The following CSMD1 variants were observed in gnomAD, a reference collection of about 807,000 sequenced individuals.
CSMD1 encodes the protein CUB and sushi domain-containing protein 1.
In CSMD1, 213 loss-of-function variants were observed where a neutral mutation model predicts 417.5. The ratio of observed to expected loss-of-function variants is 0.51; its 90% CI spans 0.46 to 0.57. CSMD1 has a LOEUF of 0.57. Ranked by LOEUF, CSMD1 falls within the 20% of genes least tolerant of loss-of-function variation. CSMD1 has a pLI of 0.00. For synonymous variants in CSMD1, 2,862 were observed against 1,736.8 expected, an observed-to-expected ratio of 1.65 and a Z score of -16.11; for missense variants, 6,923 against 4,529.7, an observed-to-expected ratio of 1.53 and a Z score of -15.17.
At chr8:4,289,410 G>GGCGCGAAAAT (rs56032643) in intron 3 of CSMD1, among the ~76,000 whole-genome samples, 2 of 151,972 alleles carry the variant, frequency 1.3e-5, no homozygotes, top group Non-Finnish European at 2.9e-5. Context: ...AGGGAGCCAG[G>GGCGCGAAAAT]GCCTGTGTTT....
At chr8:4,313,656 T>C (rs1798755488) in intron 3 of CSMD1, among the ~76,000 whole-genome samples, 1 of 152,074 alleles carries the variant, frequency 6.6e-6, no homozygotes, top group African/African-American at 2.4e-5. Flanking sequence ...GTAAATTCAC[T>C]TTAGAGAGGG....
intron 23 of CSMD1, among the ~76,000 whole-genome samples, chr8:3,321,157 G>A (rs1160464747): frequency 2.0e-5 from 3 of 151,986 alleles, no homozygotes; most frequent in Non-Finnish European, 4.4e-5. Flanking sequence ...CAGGTGGGTC[G>A]AATCCTTTGC....
rs1200912441 is a variant in CSMD1 at position 3,406,093 on chromosome 8, C to T, written c.2200G>A (p.Glu734Lys). Residue 734 changes from glutamate to lysine, a missense_variant, in exon 15 of 70, where the codon GAG (glutamate) becomes AAG (lysine). By Grantham distance (56) the Glu-to-Lys change is moderately conservative. Transcript: ENST00000635120. ...DDGFVKTQGS[E>K]SITCILQDGN... ...TCTTGCAGTATGCAGGTAATGGACT[C>T]GGATCCCTGGGTCTTGACAAAGCCA... The T allele has an allele frequency of 4.3e-6, 7 of 1,613,902 alleles. No homozygotes were observed. The East Asian group carries it at 1.1e-4, about 26-fold the overall frequency.
intron 5 of CSMD1, among the ~76,000 whole-genome samples, chr8:3,884,060 G>C (rs565107442): frequency 6.6e-6 from 1 of 152,090 alleles, no homozygotes; most frequent in African/African-American, 2.4e-5. Context: ...CTCTATCAGT[G>C]TTTCAAAATC....
chr8:4,645,116 G>A (rs1265755692), intron 1 of CSMD1, among the ~76,000 whole-genome samples: 1 of 152,138 alleles, frequency 6.6e-6, no homozygotes, highest in Non-Finnish European at 1.5e-5. Context: ...ATTGTCGAAA[G>A]CTCCTTAAAT....
intron 12 of CSMD1, among the ~76,000 whole-genome samples, chr8:3,463,707 G>A (rs989689125): frequency 6.6e-6 from 1 of 152,174 alleles, no homozygotes; most frequent in African/African-American, 2.4e-5. Flanking sequence ...GAGAAGACGG[G>A]CGAGACTGGG....
rs763116722 is a variant in CSMD1, at chr8:3,997,907, T to G, written c.814A>C (p.Ile272Leu). The G allele has an allele frequency of 3.1e-6, 5 of 1,611,644 alleles. No homozygotes were observed. The highest frequency in any genetic ancestry group is 1.3e-5 in the African/African-American group (1 of 75,010). Residue 272 changes from isoleucine (I) to leucine (L), a missense_variant, in exon 5 of 70, where the codon ATA (isoleucine) becomes CTA (leucine). Physicochemically the swap from Ile to Leu is conservative, Grantham distance 5. Transcript: ENST00000635120. ...LEISGTEAPS[I>L]WLTGMNLPSP... Reference sequence around the variant, plus strand: ...GCATCTCTTCCCGGGACTTACCATATGGATGGAGCTTCCGTGCCACTGATC... The same window carrying G: ...GCATCTCTTCCCGGGACTTACCATAGGGATGGAGCTTCCGTGCCACTGATC...
intron 48 of CSMD1, among the ~76,000 whole-genome samples, chr8:3,087,809 T>C (rs1332100505): frequency 2.0e-5 from 3 of 152,238 alleles, no homozygotes; most frequent in Non-Finnish European, 2.9e-5. Context: ...CTAAAGCAGC[T>C]TACTGACTTA....
intron 34 of CSMD1, 77 bp downstream of exon 34, chr8:3,189,835 T>C: frequency 7.5e-7 from 1 of 1,337,384 alleles, no homozygotes; most frequent in Non-Finnish European, 1.0e-6. Context: ...TTACGTAGCC[T>C]GGATAGAAAC....
At chr8:4,191,950 C>A (rs1035202464) in intron 3 of CSMD1, among the ~76,000 whole-genome samples, 1 of 152,166 alleles carries the variant, frequency 6.6e-6, no homozygotes, top group Admixed American at 6.5e-5. Flanking sequence ...ACCAACTGCA[C>A]CCACAGGCAA....
At chr8:4,609,136 A>C (rs958231527) in intron 2 of CSMD1, among the ~76,000 whole-genome samples, 2 of 152,208 alleles carry the variant, frequency 1.3e-5, no homozygotes, top group African/African-American at 4.8e-5. Context: ...GCGCTGGCTC[A>C]TGCATGTAAT....
At chr8:4,286,562 C>G (rs1185306344) in intron 3 of CSMD1, among the ~76,000 whole-genome samples, 1 of 151,966 alleles carries the variant, frequency 6.6e-6, no homozygotes, top group Non-Finnish European at 1.5e-5. Context: ...GGCATGATCA[C>G]GAGGACACCC....
At chr8:3,144,090 A>G (rs1409937975) in intron 40 of CSMD1, among the ~76,000 whole-genome samples, 1 of 152,336 alleles carries the variant, frequency 6.6e-6, no homozygotes, top group Admixed American at 6.5e-5. Context: ...GGCCAACAGT[A>G]TGCCTGGGGT....
At chr8:3,958,326 T>G (rs1357796238) in intron 5 of CSMD1, among the ~76,000 whole-genome samples, 2 of 151,868 alleles carry the variant, frequency 1.3e-5, no homozygotes, top group African/African-American at 4.8e-5. Flanking sequence ...CTCTCTTTTT[T>G]TTTTTTTTTT....
At chr8:4,949,735 G>A (rs1163015952) in intron 1 of CSMD1, among the ~76,000 whole-genome samples, 2 of 152,114 alleles carry the variant, frequency 1.3e-5, no homozygotes, top group African/African-American at 4.8e-5. Flanking sequence ...TTCTAAAAAT[G>A]TATTAATTTT....
intron 1 of CSMD1, among the ~76,000 whole-genome samples, chr8:4,927,472 T>C (rs1806947433): frequency 6.6e-6 from 1 of 152,196 alleles, no homozygotes; most frequent in Non-Finnish European, 1.5e-5. Flanking sequence ...GGCTTGGGGC[T>C]CAAGTCTTTG....
At chr8:3,147,163 C>G (rs761127699) in intron 40 of CSMD1, among the ~76,000 whole-genome samples, 1 of 152,170 alleles carries the variant, frequency 6.6e-6, no homozygotes, top group Non-Finnish European at 1.5e-5. Context: ...ACTAGAGATA[C>G]AATCTGAAGC....
chr8:3,295,635 C>G (rs546964518), intron 25 of CSMD1, among the ~76,000 whole-genome samples: 3 of 152,282 alleles, frequency 2.0e-5, no homozygotes, highest in South Asian at 2.1e-4. Flanking sequence ...CATGATAAAG[C>G]AGATTTGCTA....
intron 5 of CSMD1, among the ~76,000 whole-genome samples, chr8:3,951,368 A>T (rs775148910): frequency 3.2e-4 from 49 of 152,328 alleles, no homozygotes; most frequent in Admixed American, 1.3e-3. Flanking sequence ...CAAGAATTCA[A>T]TAAGTTTGTT....
Sources: allele counts gnomAD v4.1 joint callset (sites outside exome capture counted in the v4.1 genomes callset), GRCh38; gene constraint gnomAD v4.1.1; transcripts MANE v1.5; gene names NCBI Gene and HGNC (gene_info 2026-07-23, HGNC 2026-07-21).